Variants in SNAP29 observed in about 807,000 individuals in gnomAD.
SNAP29 encodes synaptosome associated protein 29, also known as synaptosomal-associated protein 29.
In SNAP29, 13 loss-of-function variants were observed where a neutral mutation model predicts 27.9. The observed-to-expected ratio is 0.47, with a 90% CI of 0.30 to 0.74. SNAP29 has a LOEUF of 0.74. SNAP29 is among the 30% of genes least tolerant of loss of function. The probability of loss-of-function intolerance (pLI) is 0.06; values close to 1 mark genes in which losing one functional copy is unlikely to be tolerated. For synonymous variants in SNAP29, 119 were observed against 127.1 expected (o/e 0.94, Z 0.43); for missense variants, 368 against 336.5 (o/e 1.09, Z -0.73).
chr22:20,859,029 C>CGGCG lies in SNAP29; in HGVS notation c.-75_-72dup, dbSNP rs1046963800. The CGGCG allele has an allele frequency of 9.6e-5, 133 of 1,391,352 alleles. No homozygotes were observed. In the Middle Eastern group the frequency reaches 1.6e-3, roughly 16 times the overall value. 86.2% of individuals were successfully genotyped at this position (1,391,352 alleles called of 1,614,324 possible). On this transcript the variant is annotated 5_prime_UTR_variant, in exon 1 of 5. Coordinates refer to ENST00000215730, the MANE Select transcript of SNAP29 (RefSeq NM_004782.4). ...GGAGTTCGCGCGACGACCGCGGGGTCGGCGGGCGGGGCGAGGCCCTGGACG... is the reference window on the plus strand; with the variant it reads ...GGAGTTCGCGCGACGACCGCGGGGTCGGCGGGCGGGCGGGGCGAGGCCCTGGACG...
At position 20,860,252 on chromosome 22, in the gene SNAP29, G is replaced by A. The variant is rs546214868; in HGVS notation, c.237+905G>A. On this transcript the variant is annotated intron_variant, in intron 1 of 4. Transcript: ENST00000215730. Reference sequence around the variant, plus strand: ...TGCGCCTGTAGTCGCAGCTACTCAGGAGGCTGAGGTAGGAGAATCGCTTGT... The same window carrying A: ...TGCGCCTGTAGTCGCAGCTACTCAGAAGGCTGAGGTAGGAGAATCGCTTGT... Among the ~76,000 whole-genome samples the A allele has an allele frequency of 3.4e-4, 52 of 151,772 alleles. No homozygotes were observed. In the South Asian group the frequency reaches 9.4e-3, roughly 27 times the overall value.
intron 1 of SNAP29, among the ~76,000 whole-genome samples, chr22:20,860,541 T>C (rs1021539222): frequency 5.9e-5 from 9 of 151,576 alleles, no homozygotes; most frequent in African/African-American, 2.2e-4. Context: ...CTAATTTTTT[T>C]TGTATTTGTA....
chr22:20,878,838 C>CAG lies in SNAP29; in HGVS notation c.435-2211_435-2210insAG, dbSNP rs142374956. ...TACCTTAGGGGGCTCAGCAGGATGT[C>CAG]GGGGATCAGCAGGGCATCAGGCATA... On this transcript the variant is annotated intron_variant, in intron 2 of 4. Coordinates refer to ENST00000215730, the MANE Select transcript of SNAP29 (RefSeq NM_004782.4). Among the ~76,000 whole-genome samples, 1,214 of 152,158 alleles carry CAG rather than the reference C, an allele frequency of 8.0e-3. 12 individuals are homozygous for CAG. Among genetic ancestry groups the CAG allele is most frequent in the East Asian group, 0.055 (285 of 5,166 alleles).
intron 2 of SNAP29, chr22:20,870,753 A>G (rs939516262): frequency 1.9e-5 from 12 of 615,978 alleles, no homozygotes; most frequent in Admixed American, 9.7e-5. Flanking sequence ...AGCTTCTCCA[A>G]TAATTGTGAC....
intron 1 of SNAP29, 34 bp downstream of exon 1, chr22:20,859,381 G>C: frequency 7.1e-7 from 1 of 1,410,610 alleles, no homozygotes; most frequent in Non-Finnish European, 1.0e-6. Context: ...TGGACTCGCC[G>C]GTCTCTGTGC....
At chr22:20,887,119 G>A (rs1266280810) in intron 4 of SNAP29, among the ~76,000 whole-genome samples, 1 of 151,730 alleles carries the variant, frequency 6.6e-6, no homozygotes, top group African/African-American at 2.4e-5. Flanking sequence ...CAGCTACTCA[G>A]GAGGCTGAGG....
intron 2 of SNAP29, among the ~76,000 whole-genome samples, chr22:20,880,682 T>A (rs1430275491): frequency 6.6e-6 from 1 of 152,022 alleles, no homozygotes; most frequent in Non-Finnish European, 1.5e-5. Context: ...CCTAACTCGA[T>A]GCTACACTGC....
chr22:20,859,036 C>T lies in SNAP29; in HGVS notation c.-75C>T, dbSNP rs990448924. ...GCGCGACGACCGCGGGGTCGGCGGG[C>T]GGGGCGAGGCCCTGGACGGCGGCGG... On this transcript the variant is annotated 5_prime_UTR_variant, in exon 1 of 5. Transcript: ENST00000215730. 7.2e-6 allele frequency: 10 copies of T among 1,393,904 alleles called. 1 individual carries two copies. Among genetic ancestry groups the T allele is most frequent in the South Asian group, 5.1e-5 (4 of 78,606 alleles). 86.3% of individuals were successfully genotyped at this position (1,393,904 alleles called of 1,614,324 possible).
chr22:20,880,859 A>T (rs1179971808), intron 2 of SNAP29, among the ~76,000 whole-genome samples, 190 bp from the exon 3 acceptor site: 1 of 152,136 alleles, frequency 6.6e-6, no homozygotes, highest in Non-Finnish European at 1.5e-5. Context: ...AGGGGTCTTC[A>T]TAAGCTTACT....
Position 20,876,791 on chromosome 22 carries a change from C to T in SNAP29, c.435-4258C>T, listed in dbSNP as rs1470345403. Among the ~76,000 whole-genome samples, 3 of 152,008 alleles carry T rather than the reference C, an allele frequency of 2.0e-5. 1 individual carries two copies. Among genetic ancestry groups the T allele is most frequent in the Non-Finnish European group, 1.5e-5 (1 of 67,994 alleles). On this transcript the variant is annotated intron_variant, in intron 2 of 4. Transcript: ENST00000215730. The stretch of plus-strand genomic sequence containing the variant: ...TTCACCATGTTAGCCAGGATGGTCT[C>T]GATCTCCTGACCTAGTGATCTGCCC...
intron 3 of SNAP29, among the ~76,000 whole-genome samples, chr22:20,882,162 AC>A: frequency 6.6e-6 from 1 of 151,712 alleles, no homozygotes; most frequent in Admixed American, 6.6e-5. Context: ...CCCTGAGGAC[AC>A]CCCGACTCAG....
chr22:20,875,669 G>A (rs563890886), intron 2 of SNAP29, among the ~76,000 whole-genome samples: 1 of 152,224 alleles, frequency 6.6e-6, no homozygotes, highest in African/African-American at 2.4e-5. Flanking sequence ...CAAGGGCCCA[G>A]CAGGGCCAGA....
In SNAP29 at chr22:20,887,990, A is replaced by G; in HGVS notation, c.*154A>G. 4 of 773,508 alleles carry G rather than the reference A, an allele frequency of 5.2e-6. No homozygotes were observed. In the East Asian group the frequency reaches 8.1e-5, roughly 16 times the overall value. 47.9% of individuals were successfully genotyped at this position (773,508 alleles called of 1,614,324 possible). On this transcript the variant is annotated 3_prime_UTR_variant, in exon 5 of 5. Transcript: ENST00000215730. ...GTCTTAAGACATTTTTGCTGTTATA[A>G]GGAAGTGTTTGTCCCACATTTTCCT...
chr22:20,870,734 T>A, intron 2 of SNAP29: 1 of 644,666 alleles, frequency 1.6e-6, no homozygotes, highest in Non-Finnish European at 2.8e-6. Context: ...TGACATCTAG[T>A]CTGTCAATAG....
At position 20,890,758 on chromosome 22, in the gene SNAP29, CAAAAAAA is replaced by C. The variant is rs361606; in HGVS notation, c.*2938_*2944del. On this transcript the variant is annotated 3_prime_UTR_variant, in exon 5 of 5. Coordinates refer to ENST00000215730, the MANE Select transcript of SNAP29 (RefSeq NM_004782.4). ...TGGGCAACAGAGCAAGACTCCGTCT[CAAAAAAA>C]AAAAAAAAAAAAAAATAGTGCACTC... 2.1e-4 allele frequency: 19 copies of C among 88,610 alleles called. No homozygotes were observed. The highest frequency in any genetic ancestry group is 3.0e-4 in the Non-Finnish European group (15 of 50,792). 5.5% of individuals were successfully genotyped at this position (88,610 alleles called of 1,614,324 possible). A position where few individuals can be genotyped will look rare whatever the true frequency, so the allele number is the denominator to read the frequency against.
intron 3 of SNAP29, among the ~76,000 whole-genome samples, chr22:20,881,342 T>TTCTC (rs1274980678): frequency 2.0e-5 from 3 of 152,152 alleles, no homozygotes; most frequent in Non-Finnish European, 4.4e-5. Flanking sequence ...GGGCTCCTCC[T>TTCTC]TCTCTCCCTC....
intron 2 of SNAP29, among the ~76,000 whole-genome samples, chr22:20,875,767 C>T (rs1928725937): frequency 6.6e-6 from 1 of 151,556 alleles, no homozygotes; most frequent in Admixed American, 6.6e-5. Context: ...TCAGCCTGGG[C>T]AACATAGCAA....
chr22:20,886,649 TCG>T (rs1002928389), intron 4 of SNAP29, among the ~76,000 whole-genome samples: 1 of 151,424 alleles, frequency 6.6e-6, no homozygotes, highest in Non-Finnish European at 1.5e-5. Flanking sequence ...TCTTGCTCTG[TCG>T]CCCAGGTTGG....
chr22:20,872,057 A>C (rs1194646238), intron 2 of SNAP29, among the ~76,000 whole-genome samples: 1 of 152,118 alleles, frequency 6.6e-6, no homozygotes, highest in Non-Finnish European at 1.5e-5. Flanking sequence ...TACCTACCGC[A>C]ACACAAAAAC....
Sources: gnomAD v4.1 joint callset for allele counts (sites outside exome capture counted in the v4.1 genomes callset) on GRCh38, gnomAD v4.1.1 for gene constraint, MANE v1.5 for transcripts, NCBI Gene and HGNC (gene_info 2026-07-23, HGNC 2026-07-21) for gene names.